The following RGL1 variants were observed in gnomAD, a reference collection of about 807,000 sequenced individuals.
RGL1 encodes the protein ral guanine nucleotide dissociation stimulator-like 1.
Under a neutral mutation model 95.2 loss-of-function variants are expected in RGL1, and 24 were observed. The ratio of observed to expected loss-of-function variants is 0.25; its 90% confidence interval spans 0.18 to 0.35. RGL1 has a LOEUF of 0.35. Among genes scored for constraint, RGL1 ranks in the 10% least tolerant of loss-of-function variants. The pLI, the probability that RGL1 is intolerant of heterozygous loss-of-function variation, is 1.00. For missense variants in RGL1, 715 were observed against 936.3 expected (o/e 0.76, Z 3.08); for synonymous variants, 329 against 344.9 (o/e 0.95, Z 0.51).
intron 7 of RGL1, among the ~76,000 whole-genome samples, chr1:183,887,223 T>C (rs1410153281): frequency 1.5e-5 from 2 of 132,986 alleles, no homozygotes; most frequent in East Asian, 5.1e-4. Context: ...TCTTTCTCTT[T>C]ATATCTTTCC....
rs531636777 is a variant in RGL1 at position 183,718,860 on chromosome 1, C to T, written c.-32-23266C>T. Among the ~76,000 whole-genome samples the T allele has an allele frequency of 3.3e-5, 5 of 152,076 alleles. No homozygotes were observed. The East Asian group carries it at 9.6e-4, about 29-fold the overall frequency. ...CCTGGGAGGTGGAGGTTGCAGTGAG[C>T]CGAGATCTTGCCACTTCACTCCAGC... On this transcript the variant is annotated intron_variant, in intron 1 of 18. Coordinates refer to the RGL1 transcript ENST00000304685.
chr1:183,866,144 T>C, intron 4 of RGL1, 71 bp downstream of exon 4: 1 of 1,254,892 alleles, frequency 8.0e-7, no homozygotes, highest in Non-Finnish European at 1.2e-6. Flanking sequence ...TAGTAGAGTA[T>C]TTTATTCCTT....
At chr1:183,856,305 A>G (rs1287236647) in intron 3 of RGL1, among the ~76,000 whole-genome samples, 1 of 151,982 alleles carries the variant, frequency 6.6e-6, no homozygotes, top group Non-Finnish European at 1.5e-5. Context: ...ACACACATAT[A>G]TATAACAGAA....
chr1:183,647,982 A>G (rs1443446948), intron 1 of RGL1: 1 of 1,614,202 alleles, frequency 6.2e-7, no homozygotes, highest in East Asian at 2.2e-5. Flanking sequence ...CTGTCCAGGA[A>G]AGGCATTGTT....
intron 2 of RGL1, among the ~76,000 whole-genome samples, chr1:183,832,099 A>C (rs891133454): frequency 6.6e-6 from 1 of 152,202 alleles, no homozygotes; most frequent in East Asian, 1.9e-4. Flanking sequence ...TGATAAGACT[A>C]GAGGCAAGTG....
intron 1 of RGL1, among the ~76,000 whole-genome samples, chr1:183,649,057 A>T (rs1008733513): frequency 6.6e-6 from 1 of 152,234 alleles, no homozygotes; most frequent in Admixed American, 6.5e-5. Context: ...AAAGCAAATG[A>T]GTTAACAATG....
chr1:183,761,074 A>G (rs1658642194), intron 2 of RGL1, among the ~76,000 whole-genome samples: 1 of 152,212 alleles, frequency 6.6e-6, no homozygotes, highest in African/African-American at 2.4e-5. Flanking sequence ...AAAGTCATTC[A>G]TGAGGGTTGA....
chr1:183,798,854 T>C (rs1276597298), intron 2 of RGL1, among the ~76,000 whole-genome samples: 1 of 151,632 alleles, frequency 6.6e-6, no homozygotes, highest in Admixed American at 6.6e-5. Flanking sequence ...GGTCCATTTA[T>C]GTAGCCACAG....
intron 2 of RGL1, among the ~76,000 whole-genome samples, chr1:183,765,209 C>T (rs1658903320): frequency 1.3e-5 from 2 of 152,296 alleles, no homozygotes; most frequent in South Asian, 4.1e-4. Flanking sequence ...AATGTGAATT[C>T]CTCAAAGCTG....
chr1:183,708,747 G>A (rs925792603), intron 1 of RGL1, among the ~76,000 whole-genome samples: 1 of 152,216 alleles, frequency 6.6e-6, no homozygotes, highest in Admixed American at 6.5e-5. Context: ...CCCGGCTCCT[G>A]GGAAATTTAT....
At chr1:183,658,935 C>T (rs1035608188) in intron 1 of RGL1, among the ~76,000 whole-genome samples, 4 of 151,786 alleles carry the variant, frequency 2.6e-5, no homozygotes, top group African/African-American at 9.7e-5. Flanking sequence ...CTGCTGGTAC[C>T]CAGGCAAACA....
intron 2 of RGL1, among the ~76,000 whole-genome samples, chr1:183,830,855 G>T (rs1424373189): frequency 1.3e-5 from 2 of 152,164 alleles, no homozygotes; most frequent in African/African-American, 2.4e-5. Context: ...TTTTAGTTCA[G>T]AAAAACAGAT....
chr1:183,639,689 A>G (rs1447145007), intron 1 of RGL1, among the ~76,000 whole-genome samples: 1 of 135,296 alleles, frequency 7.4e-6, no homozygotes, highest in East Asian at 1.9e-4. Context: ...ATCAACTAAA[A>G]ACCTGTAAGC....
intron 1 of RGL1, among the ~76,000 whole-genome samples, chr1:183,718,213 G>A (rs1655754313): frequency 1.4e-5 from 2 of 144,988 alleles, no homozygotes; most frequent in Non-Finnish European, 3.0e-5. Context: ...CATCCTGGGC[G>A]ACAGAGGGAG....
At chr1:183,880,112 G>A (rs1208801355) in intron 4 of RGL1, among the ~76,000 whole-genome samples, 2 of 152,198 alleles carry the variant, frequency 1.3e-5, no homozygotes, top group Admixed American at 1.3e-4. Flanking sequence ...TCATGCTGAA[G>A]CCCTGGTGAT....
At chr1:183,841,336 G>C (rs1664045011) in intron 2 of RGL1, among the ~76,000 whole-genome samples, 1 of 152,150 alleles carries the variant, frequency 6.6e-6, no homozygotes, top group African/African-American at 2.4e-5. Context: ...CACATAGTAT[G>C]TAATTATTCA....
intron 1 of RGL1, among the ~76,000 whole-genome samples, chr1:183,730,647 T>G (rs1219775152): frequency 6.6e-6 from 1 of 152,108 alleles, no homozygotes; most frequent in East Asian, 1.9e-4. Flanking sequence ...ATTTGGAGAG[T>G]ACAGAACATA....
chr1:183,902,503 G>A (rs4604659), intron 11 of RGL1, 65 bp from the exon 12 acceptor site: 752,946 of 1,393,032 alleles, frequency 0.54, 204,542 homozygotes, highest in African/African-American at 0.61. Flanking sequence ...TGTGACCTAC[G>A]ACAACATATG....
chr1:183,907,050 C>T lies in RGL1; in HGVS notation c.1511C>T (p.Ala504Val). Residue 504 changes from alanine (A) to valine (V), a missense_variant, in exon 14 of 18, where the codon GCC (alanine) becomes GTC (valine). Around this residue, in one of 3 missense-constraint regions of RGL1, gnomAD observed 330 missense variants for 429.6 expected, o/e 0.77. Coordinates refer to ENST00000360851, the MANE Select transcript of RGL1 (RefSeq NM_001297671.3). ...TGTGAGATTGAAGCAGCTGCTGACG[C>T]CAGCACCACCTCGCCCAAGCCTCGG... ...LSCEIEAAAD[A>V]STTSPKPRKS... 1.9e-6 allele frequency: 3 copies of T among 1,612,326 alleles called. No individual in the cohort carries two copies. In the South Asian group the frequency reaches 3.3e-5, roughly 18 times the overall value.
Sources: allele counts gnomAD v4.1 joint callset (sites outside exome capture counted in the v4.1 genomes callset), GRCh38; gene constraint gnomAD v4.1.1; regional missense constraint gnomAD v4.1.1; transcripts MANE v1.5; gene names NCBI Gene and HGNC (gene_info 2026-07-23, HGNC 2026-07-21).